Variants in RASSF3 observed in about 807,000 individuals in gnomAD.
RASSF3 encodes ras association domain-containing protein 3.
In RASSF3, 19 loss-of-function variants were observed where a neutral mutation model predicts 19.9. That is an observed-to-expected ratio of 0.96 (90% confidence interval 0.67 to 1.40). RASSF3 has a LOEUF of 1.40. Ranked by LOEUF, RASSF3 falls within the 40% of genes most tolerant of loss-of-function variation. The pLI is 0.00. For missense variants in RASSF3, 306 were observed against 289.8 expected (o/e 1.06, Z -0.41); for synonymous variants, 110 against 104.2 (o/e 1.06, Z -0.34).
chr12:64,550,319 G>A (rs766771582), intron 2 of RASSF3, among the ~76,000 whole-genome samples: 38 of 151,896 alleles, frequency 2.5e-4, no homozygotes, highest in Non-Finnish European at 4.7e-4. Context: ...AGAGAAGAGG[G>A]GAGAGGAGGA....
intron 1 of RASSF3, among the ~76,000 whole-genome samples, chr12:64,515,254 A>C (rs770764780): frequency 6.6e-6 from 1 of 151,978 alleles, no homozygotes; most frequent in African/African-American, 2.4e-5. Context: ...TCAGGATTTC[A>C]CCATGTTGGC....
At chr12:64,579,476 C>T (rs1455348928) in intron 2 of RASSF3, among the ~76,000 whole-genome samples, 1 of 151,324 alleles carries the variant, frequency 6.6e-6, no homozygotes, top group Non-Finnish European at 1.5e-5. Flanking sequence ...TCAGCTTCTC[C>T]AGTAGTTGGG....
intron 1 of RASSF3, among the ~76,000 whole-genome samples, chr12:64,641,657 GT>G (rs1871536653): frequency 2.2e-5 from 3 of 139,030 alleles, no homozygotes; most frequent in African/African-American, 8.1e-5. Context: ...TTTTTTTTAA[GT>G]TACTGACTCC....
chr12:64,513,452 G>GA (rs67709932), intron 1 of RASSF3, among the ~76,000 whole-genome samples: 29,363 of 113,906 alleles, frequency 0.26, 3,378 homozygotes, highest in Middle Eastern at 0.39. Flanking sequence ...CTCCATCTCA[G>GA]AAAAAAAAAA....
downstream of RASSF3, chr12:64,541,736 G>C (rs1868937710): frequency 2.5e-6 from 1 of 398,404 alleles, no homozygotes; most frequent in African/African-American, 2.1e-5. Flanking sequence ...TGGACATCGT[G>C]CGTTTCGGTC....
intron 2 of RASSF3, among the ~76,000 whole-genome samples, chr12:64,560,829 G>A (rs1202182610): frequency 1.3e-5 from 2 of 152,198 alleles, no homozygotes; most frequent in African/African-American, 4.8e-5. Flanking sequence ...GCCTTCAGAC[G>A]CAAAGCAGGT....
At chr12:64,553,940 G>T (rs1166802004) in intron 2 of RASSF3, among the ~76,000 whole-genome samples, 1 of 145,232 alleles carries the variant, frequency 6.9e-6, no homozygotes, top group Non-Finnish European at 1.5e-5. Context: ...TTACGCTACT[G>T]CATTCCAGCC....
chr12:64,560,324 G>T (rs139406088), intron 2 of RASSF3, among the ~76,000 whole-genome samples: 1 of 152,222 alleles, frequency 6.6e-6, no homozygotes, highest in Non-Finnish European at 1.5e-5. Context: ...TCCACTGCAG[G>T]AGAGGAGGAC....
At chr12:64,523,079 TC>T (rs1398745498) in intron 1 of RASSF3, among the ~76,000 whole-genome samples, 2 of 152,212 alleles carry the variant, frequency 1.3e-5, no homozygotes, top group Non-Finnish European at 2.9e-5. Context: ...CTGTTCTTTT[TC>T]TGGAATGCTT....
chr12:64,508,763 A>T (rs927480657), intron 1 of RASSF3, among the ~76,000 whole-genome samples: 3 of 152,052 alleles, frequency 2.0e-5, no homozygotes, highest in Non-Finnish European at 4.4e-5. Context: ...ACATGCCTGT[A>T]ATCCCAGCTA....
At chr12:64,603,319 A>G (rs1234353099) in intron 2 of RASSF3, among the ~76,000 whole-genome samples, 3 of 152,172 alleles carry the variant, frequency 2.0e-5, no homozygotes, top group Admixed American at 1.3e-4. Flanking sequence ...CATCAGGTAT[A>G]TGCTTTCCCT....
intron 2 of RASSF3, among the ~76,000 whole-genome samples, chr12:64,554,311 T>G (rs1466499387): frequency 6.6e-6 from 1 of 152,168 alleles, no homozygotes; most frequent in Non-Finnish European, 1.5e-5. Flanking sequence ...TTTTTTCATT[T>G]GTTTGTTTTT....
chr12:64,642,023 T>G (rs937364489), intron 1 of RASSF3, among the ~76,000 whole-genome samples: 1 of 152,026 alleles, frequency 6.6e-6, no homozygotes, highest in African/African-American at 2.4e-5. Flanking sequence ...ATTACAGGCG[T>G]GAGCCACCGT....
intron 2 of RASSF3, among the ~76,000 whole-genome samples, chr12:64,604,139 T>A (rs1173250672): frequency 1.3e-5 from 2 of 151,258 alleles, no homozygotes; most frequent in African/African-American, 4.9e-5. Flanking sequence ...CTTTTTTTTT[T>A]TTTTTAGACA....
At chr12:64,523,411 GATAAA>G (rs1356481928) in intron 1 of RASSF3, among the ~76,000 whole-genome samples, 2 of 151,834 alleles carry the variant, frequency 1.3e-5, no homozygotes, top group East Asian at 1.9e-4. Context: ...GTCTCAAAAA[GATAAA>G]ATAAAATAAA....
rs1473366230 is a variant in RASSF3, at chr12:64,645,113, A to AT, written c.111+34376dup. On this transcript the variant is annotated intron_variant, in intron 1 of 4. Coordinates refer to ENST00000542104, the MANE Select transcript of RASSF3 (RefSeq NM_178169.4). ...TTGCATGCTGAGAGAGATTTTCTGA[A>AT]TTTTTTCAACAAATATTGAACACCT... Among the ~76,000 whole-genome samples the AT allele has an allele frequency of 9.2e-5, 14 of 152,212 alleles. No homozygotes were observed. In the East Asian group the frequency reaches 2.3e-3, roughly 25 times the overall value.
intron 2 of RASSF3, among the ~76,000 whole-genome samples, chr12:64,561,654 G>A (rs1869348436): frequency 6.6e-6 from 1 of 151,538 alleles, no homozygotes; most frequent in Admixed American, 6.6e-5. Flanking sequence ...AACAAAAAAT[G>A]CCTCAGGGAG....
chr12:64,587,494 T>C (rs1254133722), intron 2 of RASSF3, among the ~76,000 whole-genome samples: 3 of 152,234 alleles, frequency 2.0e-5, no homozygotes, highest in African/African-American at 7.2e-5. Context: ...AAGACTGTTA[T>C]GCTGCCTGGC....
chr12:64,621,614 A>G (rs1481375989), intron 1 of RASSF3, among the ~76,000 whole-genome samples: 1 of 152,110 alleles, frequency 6.6e-6, no homozygotes, highest in Non-Finnish European at 1.5e-5. Flanking sequence ...AGTAGCTGGG[A>G]TTATGGGCAT....
Sources: gnomAD v4.1 joint callset for allele counts (sites outside exome capture counted in the v4.1 genomes callset) on GRCh38, gnomAD v4.1.1 for gene constraint, MANE v1.5 for transcripts, NCBI Gene and HGNC (gene_info 2026-07-23, HGNC 2026-07-21) for gene names.